Variants in LPIN2 observed in about 807,000 individuals in gnomAD.
LPIN2 encodes the protein phosphatidate phosphatase LPIN2.
A neutral mutation model predicts 111.4 loss-of-function variants in LPIN2; 55 were observed. The observed-to-expected ratio is 0.49, with a 90% confidence interval of 0.40 to 0.62. LPIN2 has a LOEUF of 0.62. Ranked by LOEUF, LPIN2 falls within the 20% of genes least tolerant of loss-of-function variation. The pLI, the probability that LPIN2 is intolerant of heterozygous loss-of-function variation, is 0.00. For missense variants in LPIN2, 992 were observed against 1,112.1 expected, an observed-to-expected ratio of 0.89 and a Z score of 1.54; for synonymous variants, 425 against 414.0, an observed-to-expected ratio of 1.03 and a Z score of -0.32.
chr18:2,982,555 T>C (rs1000231010), intron 1 of LPIN2: 1 of 365,690 alleles, frequency 2.7e-6, no homozygotes, highest in African/African-American at 2.2e-5. Flanking sequence ...TACATTTTCC[T>C]AAGAAAGGGC....
intron 1 of LPIN2, chr18:2,985,192 G>A (rs187354203): frequency 2.6e-5 from 4 of 152,232 alleles, no homozygotes; most frequent in Admixed American, 2.6e-4. Context: ...TTCCTCCTAT[G>A]GCCACCTGTG....
chr18:2,932,594 A>G (rs1275763118), intron 8 of LPIN2, among the ~76,000 whole-genome samples: 1 of 152,224 alleles, frequency 6.6e-6, no homozygotes, highest in African/African-American at 2.4e-5. Context: ...AGTGAGGGGC[A>G]AGGCCAACCC....
intron 4 of LPIN2, among the ~76,000 whole-genome samples, chr18:2,941,724 A>G (rs2077369245): frequency 6.6e-6 from 1 of 152,242 alleles, no homozygotes; most frequent in East Asian, 1.9e-4. Context: ...CAGGGGTTCA[A>G]GACCAGCCTG....
intron 3 of LPIN2, 95 bp downstream of exon 3, chr18:2,954,409 A>C: frequency 1.2e-6 from 1 of 830,424 alleles, no homozygotes; most frequent in South Asian, 1.4e-5. Context: ...TCCTCTGTAC[A>C]ATCAACCATA....
chr18:2,941,417 A>G (rs966516998), intron 4 of LPIN2, among the ~76,000 whole-genome samples: 2 of 152,220 alleles, frequency 1.3e-5, no homozygotes, highest in Non-Finnish European at 2.9e-5. Context: ...ACTACTGCTG[A>G]TAAGATTTTA....
intron 4 of LPIN2, chr18:2,946,931 T>C (rs1424261575): frequency 1.6e-5 from 4 of 249,772 alleles, no homozygotes; most frequent in Non-Finnish European, 3.1e-5. Flanking sequence ...TCTCTCTGTG[T>C]TCTGTGTCAG....
In LPIN2 at chr18:2,920,231, C is replaced by T. The variant is rs2077032278; in HGVS notation, c.*62G>A. On this transcript the variant is annotated 3_prime_UTR_variant, in exon 20 of 20. Transcript: ENST00000677752. ...TGGTATCTGAGGTCAGCAGAAGAGC[C>T]AGCTGCCTTCCCTTGCTGTGGGGAG... 1.2e-6 allele frequency: 2 copies of T among 1,607,576 alleles called. No homozygotes were observed. Among genetic ancestry groups the T allele is most frequent in the Non-Finnish European group, 1.7e-6 (2 of 1,175,164 alleles).
chr18:3,011,339 C>A (rs2078599057), intron 1 of LPIN2, among the ~76,000 whole-genome samples: 1 of 152,120 alleles, frequency 6.6e-6, no homozygotes, highest in Non-Finnish European at 1.5e-5. Flanking sequence ...CAGAACCTGT[C>A]GTTTCATTTC....
chr18:2,980,360 C>G (rs1297191008), intron 1 of LPIN2, among the ~76,000 whole-genome samples: 2 of 152,148 alleles, frequency 1.3e-5, no homozygotes, highest in African/African-American at 4.8e-5. Context: ...ACTGGAGGAA[C>G]ACAGTTAGTT....
In LPIN2 at chr18:2,951,125, A is replaced by G. The variant is rs1282058238; in HGVS notation, c.520T>C (p.Ser174Pro). Reference sequence around the variant, plus strand: ...TCACATGTGTCTTCTGCAGCAGCAGATGCGGCCTGCTCTTCCTTCTTACTG... The same window carrying G: ...TCACATGTGTCTTCTGCAGCAGCAGGTGCGGCCTGCTCTTCCTTCTTACTG... The part of the protein sequence containing the change: ...QDSKKEEQAA[S>P]AAAEDTCDVG... The change falls in exon 4 of 20, where the codon TCT (serine) becomes CCT (proline). Residue 174 changes from serine to proline, a missense_variant. Ser to Pro is a moderately conservative substitution (Grantham distance 74, BLOSUM62 -1). Transcript: ENST00000677752. 4 of 1,614,168 alleles carry G rather than the reference A, an allele frequency of 2.5e-6. No homozygotes were observed. In the South Asian group the frequency reaches 4.4e-5, roughly 18 times the overall value.
chr18:2,962,281 A>AAGG (rs2077725295), intron 1 of LPIN2, among the ~76,000 whole-genome samples: 1 of 152,336 alleles, frequency 6.6e-6, no homozygotes, highest in Admixed American at 6.5e-5. Context: ...TAATGTTACC[A>AAGG]AGGCCCTTAA....
intron 1 of LPIN2, among the ~76,000 whole-genome samples, chr18:3,009,160 G>A (rs2078563216): frequency 6.6e-6 from 1 of 151,960 alleles, no homozygotes. Context: ...AGCACTTTGG[G>A]AGGCCAAGGC....
rs1414305529 is a variant in LPIN2 at position 2,939,623 on chromosome 18, A to G, written c.699-20T>C. The G allele has an allele frequency of 1.2e-6, 2 of 1,611,734 alleles. No homozygotes were observed. The highest frequency in any genetic ancestry group is 1.7e-6 in the Non-Finnish European group (2 of 1,179,238). ...TAGGTGCTGCAAAGAGAACAAAGAC[A>G]CACGATGACTTGAAAGTCGGGAAAC... On this transcript the variant is annotated intron_variant, in intron 5 of 19. Transcript: ENST00000677752.
intron 1 of LPIN2, among the ~76,000 whole-genome samples, chr18:3,006,498 C>T (rs1281660586): frequency 1.3e-5 from 2 of 152,142 alleles, no homozygotes; most frequent in African/African-American, 4.8e-5. Flanking sequence ...CGAGACCAGC[C>T]TGGGCAACAT....
chr18:3,008,859 G>GCC (rs2078556758), intron 1 of LPIN2, among the ~76,000 whole-genome samples: 1 of 149,174 alleles, frequency 6.7e-6, no homozygotes, highest in African/African-American at 2.5e-5. Context: ...TCACACAGGT[G>GCC]CCCGCACTAC....
chr18:2,950,372 A>G (rs2077515807), intron 4 of LPIN2: 1 of 152,366 alleles, frequency 6.6e-6, no homozygotes, highest in South Asian at 2.1e-4. Flanking sequence ...ACAAATAAAG[A>G]GTCTGGAAAT....
chr18:2,961,404 A>G (rs905706915), intron 1 of LPIN2, among the ~76,000 whole-genome samples: 2 of 152,236 alleles, frequency 1.3e-5, no homozygotes, highest in Admixed American at 6.5e-5. Flanking sequence ...AACTCTGGCA[A>G]GTCTGCCTGA....
chr18:3,007,548 T>C (rs553337374), intron 1 of LPIN2, among the ~76,000 whole-genome samples: 51 of 152,336 alleles, frequency 3.3e-4, no homozygotes, highest in African/African-American at 1.2e-3. Flanking sequence ...CGTCTCTCAG[T>C]GTTTACAAAG....
intron 4 of LPIN2, 147 bp from the exon 5 acceptor site, chr18:2,940,859 G>T (rs557872167): frequency 3.0e-6 from 2 of 666,708 alleles, no homozygotes; most frequent in East Asian, 5.5e-5. Flanking sequence ...AAGGAGAAGG[G>T]GGGATACACC....
Sources: gnomAD v4.1 joint callset for allele counts (sites outside exome capture counted in the v4.1 genomes callset) on GRCh38, gnomAD v4.1.1 for gene constraint, MANE v1.5 for transcripts, NCBI Gene and HGNC (gene_info 2026-07-23, HGNC 2026-07-21) for gene names.